Variants in ZFAND3 observed in about 807,000 individuals in gnomAD.
The protein encoded by ZFAND3 is zinc finger AN1-type containing 3.
Under a neutral mutation model 29.6 loss-of-function variants are expected in ZFAND3, and 10 were observed. The ratio of observed to expected loss-of-function variants is 0.34; its 90% CI spans 0.21 to 0.57. ZFAND3 has a LOEUF of 0.57. ZFAND3 is among the 20% of genes least tolerant of loss of function. The pLI is 0.86. For synonymous variants in ZFAND3, 128 were observed against 112.6 expected, an observed-to-expected ratio of 1.14 and a Z score of -0.87; for missense variants, 230 against 304.5, an observed-to-expected ratio of 0.76 and a Z score of 1.82.
chr6:38,152,104 GA>G, intron 5 of ZFAND3, 130 bp from the exon 6 acceptor site: 1 of 828,952 alleles, frequency 1.2e-6, no homozygotes, highest in Middle Eastern at 3.9e-4. Context: ...GCTGCATCAG[GA>G]ACCCCTGCAG....
intron 3 of ZFAND3, among the ~76,000 whole-genome samples, chr6:38,066,030 A>C (rs559232387): frequency 6.6e-6 from 1 of 152,282 alleles, no homozygotes; most frequent in Non-Finnish European, 1.5e-5. Flanking sequence ...CAACAGGTGC[A>C]TAAGAATTTT....
chr6:38,104,224 G>GGCT (rs1414931391), intron 4 of ZFAND3, among the ~76,000 whole-genome samples: 1 of 152,106 alleles, frequency 6.6e-6, no homozygotes, highest in Non-Finnish European at 1.5e-5. Context: ...CAGGGATGGT[G>GGCT]GCTGCAGTTT....
intron 2 of ZFAND3, among the ~76,000 whole-genome samples, chr6:38,016,047 A>C (rs1763246546): frequency 6.6e-6 from 1 of 152,232 alleles, no homozygotes; most frequent in Non-Finnish European, 1.5e-5. Context: ...CACCAGTGGT[A>C]ACATAGAACA....
intron 3 of ZFAND3, among the ~76,000 whole-genome samples, chr6:38,077,164 A>C (rs1291195903): frequency 2.7e-5 from 4 of 150,814 alleles, no homozygotes; most frequent in Admixed American, 6.6e-5. Context: ...TCTTGATAAG[A>C]TATCCTGAAT....
chr6:38,012,220 G>A (rs1211610122), intron 2 of ZFAND3, among the ~76,000 whole-genome samples: 1 of 152,074 alleles, frequency 6.6e-6, no homozygotes, highest in Non-Finnish European at 1.5e-5. Flanking sequence ...ATTTGGTAAA[G>A]TACCAAGTAG....
chr6:38,116,298 T>C (rs771698632), intron 4 of ZFAND3, among the ~76,000 whole-genome samples: 18 of 152,166 alleles, frequency 1.2e-4, no homozygotes, highest in Admixed American at 2.0e-4. Flanking sequence ...GAATCTCAGC[T>C]CTTTTTAAAA....
rs1420501476 is a variant in ZFAND3, at chr6:37,891,308, G to A, written c.72-38651G>A. ...TATGGTTGTTACCATTTTTTGTTTA[G>A]TCATTCATTAGTTGATGGGCATTTT... is the stretch of plus-strand genomic sequence containing the variant. On this transcript the variant is annotated intron_variant, in intron 1 of 5. Coordinates refer to ENST00000287218, the MANE Select transcript of ZFAND3 (RefSeq NM_021943.3). Among the ~76,000 whole-genome samples the A allele has an allele frequency of 1.3e-5, 2 of 151,150 alleles. 1 individual carries two copies. Among genetic ancestry groups the A allele is most frequent in the Non-Finnish European group, 2.9e-5 (2 of 67,920 alleles).
At chr6:37,858,923 T>A (rs1228071912) in intron 1 of ZFAND3, among the ~76,000 whole-genome samples, 1 of 152,244 alleles carries the variant, frequency 6.6e-6, no homozygotes, top group Non-Finnish European at 1.5e-5. Flanking sequence ...CTAGAAGAGC[T>A]AGAAGATTTG....
chr6:38,122,423 G>A (rs984316040), intron 5 of ZFAND3, among the ~76,000 whole-genome samples: 30 of 152,172 alleles, frequency 2.0e-4, no homozygotes, highest in Non-Finnish European at 3.1e-4. Context: ...ATCTGTGGTC[G>A]TTGAGTGCGG....
chr6:38,139,821 G>A (rs1453884443), intron 5 of ZFAND3, among the ~76,000 whole-genome samples: 9 of 152,080 alleles, frequency 5.9e-5, no homozygotes, highest in African/African-American at 1.9e-4. Context: ...GGCTTATGAC[G>A]CTGGCTGCTC....
intron 3 of ZFAND3, among the ~76,000 whole-genome samples, chr6:38,079,994 A>G (rs994888333): frequency 1.3e-5 from 2 of 151,890 alleles, no homozygotes; most frequent in African/African-American, 4.8e-5. Flanking sequence ...TTTAAGTTCT[A>G]TACACATCAT....
intron 2 of ZFAND3, among the ~76,000 whole-genome samples, chr6:37,955,654 A>G (rs1399913669): frequency 6.6e-6 from 1 of 152,326 alleles, no homozygotes; most frequent in Admixed American, 6.5e-5. Flanking sequence ...ATAGGGAATT[A>G]AATGATGCCA....
chr6:37,929,874 C>T lies in ZFAND3; in HGVS notation c.72-85C>T, dbSNP rs901715316. The T allele has an allele frequency of 4.1e-5, 55 of 1,352,858 alleles. 1 individual carries two copies. Among genetic ancestry groups the T allele is most frequent in the South Asian group, 1.9e-4 (12 of 62,176 alleles). The allele number at this position is 1,352,858 out of a possible 1,614,324, so 83.8% of individuals were successfully genotyped here. ...GTTGCCTGACCAGAAAGTTCTTTGC[C>T]TACGTTTCTGACATCTTATGTTTTG... On this transcript the variant is annotated intron_variant, in intron 1 of 5. Coordinates refer to ENST00000287218, the MANE Select transcript of ZFAND3 (RefSeq NM_021943.3).
At chr6:37,914,269 A>G (rs571958524) in intron 1 of ZFAND3, among the ~76,000 whole-genome samples, 2 of 152,280 alleles carry the variant, frequency 1.3e-5, no homozygotes, top group East Asian at 3.9e-4. Context: ...TCAGTAAACC[A>G]TCCTGTAAAC....
intron 2 of ZFAND3, among the ~76,000 whole-genome samples, chr6:38,041,631 T>TTCTTCTTCTTCTTCTTC (rs1561976605): frequency 7.1e-5 from 4 of 56,248 alleles, no homozygotes; most frequent in Middle Eastern, 6.7e-3. Flanking sequence ...TTATCTACTT[T>TTCTTCTTCTTCTTCTTC]TTCTTCTTCT....
chr6:38,043,628 C>T (rs1763839348), intron 2 of ZFAND3, among the ~76,000 whole-genome samples: 1 of 150,516 alleles, frequency 6.6e-6, no homozygotes, highest in African/African-American at 2.5e-5. Context: ...CGCTCTTCCC[C>T]TTTCAACATG....
chr6:38,058,581 T>C (rs1043778498), intron 2 of ZFAND3, among the ~76,000 whole-genome samples: 3 of 152,200 alleles, frequency 2.0e-5, no homozygotes, highest in Non-Finnish European at 2.9e-5. Flanking sequence ...AGTTACTAAC[T>C]GGCTACATTC....
intron 1 of ZFAND3, among the ~76,000 whole-genome samples, chr6:37,870,720 A>T (rs569744931): frequency 2.0e-5 from 3 of 151,684 alleles, no homozygotes; most frequent in African/African-American, 7.3e-5. Flanking sequence ...GTCTTGTTCT[A>T]TTGCTCAGGC....
intron 1 of ZFAND3, among the ~76,000 whole-genome samples, chr6:37,840,033 A>G (rs1004157265): frequency 1.3e-5 from 2 of 151,808 alleles, no homozygotes; most frequent in East Asian, 3.9e-4. Context: ...AAGGTCACAA[A>G]TATTTACACT....
Sources: gnomAD v4.1 joint callset for allele counts (sites outside exome capture counted in the v4.1 genomes callset) on GRCh38, gnomAD v4.1.1 for gene constraint, MANE v1.5 for transcripts, NCBI Gene and HGNC (gene_info 2026-07-23, HGNC 2026-07-21) for gene names.